KHDRBS2: variants seen among roughly 807,000 people sequenced by gnomAD.
KHDRBS2 encodes KH domain-containing, RNA-binding, signal transduction-associated protein 2.
A neutral mutation model predicts 44.3 loss-of-function variants in KHDRBS2; 26 were observed. The ratio of observed to expected loss-of-function variants is 0.59; its 90% CI spans 0.43 to 0.81. The LOEUF (loss-of-function observed/expected upper bound fraction) is 0.81, where lower values mean the gene tolerates loss of function less well. Ranked by LOEUF, KHDRBS2 falls within the 40% of genes least tolerant of loss-of-function variation. The pLI, the probability that KHDRBS2 is intolerant of heterozygous loss-of-function variation, is 0.00. For synonymous variants in KHDRBS2, 194 were observed against 151.1 expected (o/e 1.28, Z -2.08); for missense variants, 476 against 433.1 (o/e 1.10, Z -0.88).
At chr6:62,108,203 A>C (rs1246721300) in intron 2 of KHDRBS2, among the ~76,000 whole-genome samples, 2 of 152,188 alleles carry the variant, frequency 1.3e-5, no homozygotes, top group Non-Finnish European at 2.9e-5. Flanking sequence ...CATCTGACAA[A>C]GGGCTAATAT....
chr6:62,191,960 T>C (rs1824717863), intron 1 of KHDRBS2, among the ~76,000 whole-genome samples: 1 of 152,106 alleles, frequency 6.6e-6, no homozygotes, highest in South Asian at 2.1e-4. Context: ...TAGAAAGTGA[T>C]ATTTTATGCA....
At chr6:61,834,145 C>T (rs1792274556) in intron 6 of KHDRBS2, among the ~76,000 whole-genome samples, 2 of 151,952 alleles carry the variant, frequency 1.3e-5, no homozygotes, top group South Asian at 4.1e-4. Context: ...CTCTTTAAAT[C>T]ATACATATTA....
chr6:62,027,206 G>T (rs1783523242), intron 3 of KHDRBS2, among the ~76,000 whole-genome samples: 1 of 152,010 alleles, frequency 6.6e-6, no homozygotes, highest in African/African-American at 2.4e-5. Flanking sequence ...TGTGGGGAGA[G>T]TGTGTTGACA....
the KHDRBS2 span, among the ~76,000 whole-genome samples, chr6:61,547,314 CA>C: frequency 6.6e-6 from 1 of 152,106 alleles, no homozygotes; most frequent in Admixed American, 6.6e-5. Flanking sequence ...TTTAAGTGTG[CA>C]TGCAGACTTA....
intron 4 of KHDRBS2, among the ~76,000 whole-genome samples, chr6:61,950,343 T>G (rs1352359619): frequency 6.6e-6 from 1 of 152,054 alleles, no homozygotes; most frequent in Non-Finnish European, 1.5e-5. Flanking sequence ...ACCAACTTCC[T>G]TCTGAACAGA....
At chr6:62,224,332 C>T (rs1831397113) in intron 1 of KHDRBS2, among the ~76,000 whole-genome samples, 1 of 152,158 alleles carries the variant, frequency 6.6e-6, no homozygotes, top group African/African-American at 2.4e-5. Context: ...TCATCTCCCA[C>T]CAGATCCCTC....
At chr6:61,690,523 A>T (rs1237552213) in intron 8 of KHDRBS2, among the ~76,000 whole-genome samples, 1 of 152,008 alleles carries the variant, frequency 6.6e-6, no homozygotes, top group African/African-American at 2.4e-5. Context: ...GTGGACTATA[A>T]TTTTTTGTTG....
At chr6:61,825,560 G>T (rs1265531714) in intron 6 of KHDRBS2, among the ~76,000 whole-genome samples, 1 of 152,148 alleles carries the variant, frequency 6.6e-6, no homozygotes, top group Non-Finnish European at 1.5e-5. Context: ...GTAAATGAAC[G>T]CAGTTAAGAG....
intron 2 of KHDRBS2, among the ~76,000 whole-genome samples, chr6:62,169,136 C>CATAT (rs1819376528): frequency 1.3e-5 from 1 of 78,408 alleles, no homozygotes; most frequent in Non-Finnish European, 2.4e-5. Flanking sequence ...TACATATACA[C>CATAT]ACATATATGT....
chr6:61,552,835 C>T, the KHDRBS2 span, among the ~76,000 whole-genome samples: 1 of 151,984 alleles, frequency 6.6e-6, no homozygotes, highest in African/African-American at 2.4e-5. Flanking sequence ...ACCTTGCATC[C>T]CAGATATAAA....
At chr6:62,014,025 G>T (rs543528881) in intron 3 of KHDRBS2, among the ~76,000 whole-genome samples, 104 of 152,200 alleles carry the variant, frequency 6.8e-4, no homozygotes, top group African/African-American at 2.4e-3. Context: ...TTGATTGACA[G>T]GTCTGAAAAC....
chr6:61,681,294 T>C (rs1287670466), intron 8 of KHDRBS2, among the ~76,000 whole-genome samples: 3 of 151,924 alleles, frequency 2.0e-5, no homozygotes, highest in Admixed American at 1.3e-4. Context: ...GGAGTATCAA[T>C]GTAAACCCCT....
chr6:61,812,044 G>T, intron 6 of KHDRBS2, among the ~76,000 whole-genome samples: 2 of 151,292 alleles, frequency 1.3e-5, no homozygotes, highest in South Asian at 2.1e-4. Context: ...ATAGCATATG[G>T]AAAAGATCTT....
chr6:62,170,396 G>A (rs1197795210), intron 2 of KHDRBS2, among the ~76,000 whole-genome samples: 1 of 152,090 alleles, frequency 6.6e-6, no homozygotes, highest in African/African-American at 2.4e-5. Flanking sequence ...CTTGATTGAA[G>A]GGGGCTCCTC....
At chr6:61,707,486 AT>A (rs1263672239) in intron 7 of KHDRBS2, among the ~76,000 whole-genome samples, 1 of 151,810 alleles carries the variant, frequency 6.6e-6, no homozygotes, top group Non-Finnish European at 1.5e-5. Context: ...ATTGGGTTTA[AT>A]TCTGTTAAGG....
At chr6:61,821,455 T>C (rs1789901911) in intron 6 of KHDRBS2, among the ~76,000 whole-genome samples, 1 of 152,060 alleles carries the variant, frequency 6.6e-6, no homozygotes, top group Admixed American at 6.6e-5. Flanking sequence ...AGGACTCAGC[T>C]GGATCTATGT....
intron 2 of KHDRBS2, among the ~76,000 whole-genome samples, chr6:62,076,240 T>C (rs575025946): frequency 6.6e-6 from 1 of 152,084 alleles, no homozygotes; most frequent in Admixed American, 6.6e-5. Flanking sequence ...CATATTGAGT[T>C]CTCACTCAGG....
rs574762159 is a variant in KHDRBS2, at chr6:61,937,731, G to C, written c.484-36360C>G. Among the ~76,000 whole-genome samples the C allele has an allele frequency of 9.9e-5, 15 of 152,102 alleles. No individual in the cohort carries two copies. In the South Asian group the frequency reaches 1.7e-3, roughly 17 times the overall value. ...AATTAGATTTATAAAGGAAGATCAGGATTAGTAACTCTTAGATACAAGAAG... is the reference window on the plus strand; with the variant it reads ...AATTAGATTTATAAAGGAAGATCAGCATTAGTAACTCTTAGATACAAGAAG... On this transcript the variant is annotated intron_variant, in intron 4 of 8. Transcript: ENST00000281156.
chr6:62,215,932 G>T (rs1405809702), intron 1 of KHDRBS2, among the ~76,000 whole-genome samples: 2 of 151,708 alleles, frequency 1.3e-5, no homozygotes, highest in Non-Finnish European at 2.9e-5. Context: ...CTCTATGATT[G>T]TTTATATGTC....
Sources: gnomAD v4.1 joint callset for allele counts (sites outside exome capture counted in the v4.1 genomes callset) on GRCh38, gnomAD v4.1.1 for gene constraint, MANE v1.5 for transcripts, NCBI Gene and HGNC (gene_info 2026-07-23, HGNC 2026-07-21) for gene names.